The following DLC1 variants were observed in gnomAD, a reference collection of about 807,000 sequenced individuals.
DLC1 encodes DLC1 Rho GTPase activating protein.
Under a neutral mutation model 140.3 loss-of-function variants are expected in DLC1, and 54 were observed. The observed-to-expected ratio is 0.38, with a 90% CI of 0.31 to 0.48. The LOEUF (loss-of-function observed/expected upper bound fraction) is 0.48. Among genes scored for constraint, DLC1 ranks in the 20% least tolerant of loss-of-function variants. DLC1 has a pLI of 0.96. For synonymous variants in DLC1, 986 were observed against 728.1 expected, an observed-to-expected ratio of 1.35 and a Z score of -5.70; for missense variants, 2,536 against 1,907.0, an observed-to-expected ratio of 1.33 and a Z score of -6.14.
intron 2 of DLC1, among the ~76,000 whole-genome samples, chr8:13,443,536 G>A (rs1281997952): frequency 2.0e-5 from 3 of 151,446 alleles, no homozygotes; most frequent in Admixed American, 6.6e-5. Context: ...GCGGATGCCT[G>A]TAGTCCCAGC....
intron 5 of DLC1, among the ~76,000 whole-genome samples, chr8:13,164,759 A>C (rs895931269): frequency 1.3e-5 from 2 of 152,204 alleles, no homozygotes; most frequent in South Asian, 2.1e-4. Context: ...CAGAGCTTTC[A>C]CAAATGCTCT....
intron 1 of DLC1, among the ~76,000 whole-genome samples, chr8:13,542,410 C>T (rs1308027523): frequency 6.6e-6 from 1 of 152,150 alleles, no homozygotes; most frequent in African/African-American, 2.4e-5. Context: ...GTCTATAGAT[C>T]TGTCTTTTCA....
intron 2 of DLC1, among the ~76,000 whole-genome samples, chr8:13,409,098 G>C (rs894283305): frequency 6.6e-6 from 1 of 151,684 alleles, no homozygotes; most frequent in Non-Finnish European, 1.5e-5. Flanking sequence ...CAGCCCACTG[G>C]CCTCCGAATG....
Position 13,152,824 on chromosome 8 carries a change from GA to G in DLC1, c.1349-37168del, listed in dbSNP as rs773483544. 2.8e-4 allele frequency among the ~76,000 whole-genome samples: 26 copies of G among 91,346 alleles called. 1 individual carries two copies. The highest frequency in any genetic ancestry group is 3.5e-4 in the Non-Finnish European group (18 of 50,844). The allele number at this position is 91,346 out of a possible 152,430, so 59.9% of individuals were successfully genotyped here. A position where few individuals can be genotyped will look rare whatever the true frequency, so the allele number is the denominator to read the frequency against. ...AGACTGAGACCCTGTCTCTGGGGAAGAAAAAAAAAAAAAAAGCAACCAACCA... is the reference window on the plus strand; with the variant it reads ...AGACTGAGACCCTGTCTCTGGGGAAGAAAAAAAAAAAAAAGCAACCAACCA... On this transcript the variant is annotated intron_variant, in intron 5 of 17. Transcript: ENST00000276297.
chr8:13,222,984 C>T (rs1828627896), intron 5 of DLC1, among the ~76,000 whole-genome samples: 1 of 152,148 alleles, frequency 6.6e-6, no homozygotes. Context: ...AACTCCTGGG[C>T]TCAAGGGATC....
intron 2 of DLC1, among the ~76,000 whole-genome samples, chr8:13,484,540 C>T (rs1563387652): frequency 6.6e-6 from 1 of 152,054 alleles, no homozygotes; most frequent in East Asian, 1.9e-4. Context: ...AGTAAATTGG[C>T]TTTTAAACTC....
intron 1 of DLC1, among the ~76,000 whole-genome samples, chr8:13,547,763 C>G (rs930441757): frequency 1.3e-5 from 2 of 152,030 alleles, no homozygotes; most frequent in Non-Finnish European, 1.5e-5. Context: ...CTTCATATCC[C>G]TGCCTACTCT....
chr8:13,577,698 C>T (rs1804893138), intron 1 of DLC1, among the ~76,000 whole-genome samples: 1 of 151,992 alleles, frequency 6.6e-6, no homozygotes, highest in East Asian at 1.9e-4. Context: ...AAATTATGCC[C>T]ACTGTTTTGG....
At chr8:13,466,234 C>T (rs755099707) in intron 2 of DLC1, among the ~76,000 whole-genome samples, 10 of 152,210 alleles carry the variant, frequency 6.6e-5, no homozygotes, top group Non-Finnish European at 1.3e-4. Flanking sequence ...CACTTCCTCT[C>T]TCTCTTGCTA....
chr8:13,326,925 G>A (rs934359001), intron 4 of DLC1, among the ~76,000 whole-genome samples: 1 of 152,076 alleles, frequency 6.6e-6, no homozygotes, highest in African/African-American at 2.4e-5. Flanking sequence ...AGTAGAAACA[G>A]AGACCACTTG....
chr8:13,256,421 C>T (rs113210870), intron 5 of DLC1, among the ~76,000 whole-genome samples: 73 of 152,256 alleles, frequency 4.8e-4, no homozygotes, highest in African/African-American at 1.4e-3. Flanking sequence ...CACACGCACA[C>T]GTATGTTTAT....
chr8:13,251,091 C>A (rs1829984126), intron 5 of DLC1, among the ~76,000 whole-genome samples: 1 of 152,150 alleles, frequency 6.6e-6, no homozygotes, highest in African/African-American at 2.4e-5. Context: ...TATAGACAGC[C>A]ACCTTCTTGT....
At chr8:13,393,403 G>T in intron 4 of DLC1, 150 bp downstream of exon 4, 1 of 848,922 alleles carries the variant, frequency 1.2e-6, no homozygotes, top group Non-Finnish European at 1.7e-6. Flanking sequence ...ATTTTTCTAG[G>T]GTTGTACTTA....
Position 13,499,055 on chromosome 8 carries a change from C to A in DLC1, c.1017G>T (p.Lys339Asn). The A allele has an allele frequency of 1.2e-6, 2 of 1,608,548 alleles. No homozygotes were observed. The highest frequency in any genetic ancestry group is 1.7e-6 in the Non-Finnish European group (2 of 1,177,748). ...ATCTGTGCATATGTCTTACCTTTCT[C>A]TTACGAAGTCTGACTTGGTTATCTG... Reference protein sequence around the residue: ...EPTDNQVRLRKRKEIREDRDR... With the variant: ...EPTDNQVRLRNRKEIREDRDR... Residue 339 changes from lysine (K) to asparagine (N), a missense_variant, in exon 2 of 18, where the codon AAG becomes AAT. By Grantham distance (94) the Lys-to-Asn change is moderately conservative (BLOSUM62 0). Transcript: ENST00000276297.
intron 5 of DLC1, among the ~76,000 whole-genome samples, chr8:13,151,653 C>T (rs890128304): frequency 4.6e-5 from 7 of 152,134 alleles, no homozygotes; most frequent in African/African-American, 1.7e-4. Flanking sequence ...ACCTTGATTG[C>T]CATCCAGAAA....
At chr8:13,575,506 A>T (rs118150351) in intron 1 of DLC1, among the ~76,000 whole-genome samples, 18,709 of 152,088 alleles carry the variant, frequency 0.12, 1,370 homozygotes, top group Middle Eastern at 0.2. Context: ...GCCACACCAA[A>T]TAAGGGAGCA....
upstream of DLC1, among the ~76,000 whole-genome samples, chr8:13,519,423 T>C (rs913983081): frequency 1.3e-5 from 2 of 152,190 alleles, no homozygotes; most frequent in African/African-American, 4.8e-5. Context: ...CTGCCGCTCC[T>C]GGCTCATGTG....
chr8:13,152,270 T>G (rs2128978082), intron 5 of DLC1, among the ~76,000 whole-genome samples: 1 of 152,376 alleles, frequency 6.6e-6, no homozygotes, highest in South Asian at 2.1e-4. Context: ...TAGTCATTGC[T>G]AATGGTGGTT....
intron 5 of DLC1, among the ~76,000 whole-genome samples, chr8:13,117,484 A>G (rs1820653853): frequency 6.6e-6 from 1 of 152,156 alleles, no homozygotes; most frequent in Non-Finnish European, 1.5e-5. Context: ...TAACCGCTAA[A>G]AAAAAAAGAG....
Sources: allele counts gnomAD v4.1 joint callset (sites outside exome capture counted in the v4.1 genomes callset), GRCh38; gene constraint gnomAD v4.1.1; transcripts MANE v1.5; gene names NCBI Gene and HGNC (gene_info 2026-07-23, HGNC 2026-07-21).